Variants in SLC35E2B observed in about 807,000 individuals in gnomAD.
The protein encoded by SLC35E2B is solute carrier family 35, member E2B.
SLC35E2B carries 18 observed loss-of-function variants against 32.4 expected under a neutral mutation model. That is an observed-to-expected ratio of 0.56 (90% confidence interval 0.38 to 0.82). The LOEUF is 0.82. Among genes scored for constraint, SLC35E2B ranks in the 40% least tolerant of loss-of-function variants. The pLI, the probability that SLC35E2B is intolerant of heterozygous loss-of-function variation, is 0.00. For synonymous variants in SLC35E2B, 132 were observed against 209.1 expected (o/e 0.63, Z 3.18); for missense variants, 263 against 469.5 (o/e 0.56, Z 4.06).
chr1:1,667,441 A>C (rs1168839185), intron 9 of SLC35E2B, among the ~76,000 whole-genome samples: 2 of 152,038 alleles, frequency 1.3e-5, no homozygotes, highest in Non-Finnish European at 2.9e-5. Flanking sequence ...AATAAAATAC[A>C]TAAACAAATA....
intron 2 of SLC35E2B, among the ~76,000 whole-genome samples, chr1:1,677,616 G>A (rs1345975452): frequency 2.6e-5 from 4 of 151,416 alleles, no homozygotes; most frequent in South Asian, 4.2e-4. Flanking sequence ...TAGCTGGGAC[G>A]ACAGGCGTCC....
chr1:1,683,019 G>A (rs1480647047), intron 2 of SLC35E2B, among the ~76,000 whole-genome samples: 2 of 152,062 alleles, frequency 1.3e-5, no homozygotes, highest in East Asian at 1.9e-4. Context: ...GGAAATCGCA[G>A]TGAGCCGACA....
intron 9 of SLC35E2B, among the ~76,000 whole-genome samples, chr1:1,666,880 C>A (rs1044780439): frequency 1.3e-5 from 2 of 152,060 alleles, no homozygotes; most frequent in African/African-American, 4.8e-5. Flanking sequence ...CCGAGGCGGG[C>A]GGATCGCCTG....
intron 2 of SLC35E2B, among the ~76,000 whole-genome samples, chr1:1,690,304 A>AT (rs1164692973): frequency 3.5e-4 from 35 of 99,050 alleles, no homozygotes; most frequent in African/African-American, 1.2e-3. Flanking sequence ...AGAAACAAAA[A>AT]AAAATATATA....
chr1:1,670,236 G>T, intron 6 of SLC35E2B, 85 bp from the exon 7 acceptor site: 1 of 1,012,596 alleles, frequency 9.9e-7, no homozygotes, highest in Non-Finnish European at 1.5e-6. Context: ...CTCACACGGA[G>T]CGATGGCGAC....
chr1:1,683,909 A>G (rs7520934), intron 2 of SLC35E2B, among the ~76,000 whole-genome samples: 1 of 151,962 alleles, frequency 6.6e-6, no homozygotes, highest in Non-Finnish European at 1.5e-5. Flanking sequence ...GGTTGGAAAC[A>G]GGGTCTCAGA....
chr1:1,665,884 T>G lies in SLC35E2B; in HGVS notation c.1116A>C (p.Gln372His). The G allele has an allele frequency of 6.4e-7, 1 of 1,551,166 alleles. No homozygotes were observed. The highest frequency in any genetic ancestry group is 2.0e-5 in the Admixed American group (1 of 51,010). Residue 372 changes from glutamine (Q) to histidine (H), a missense_variant, in exon 10 of 10, where the codon CAA (glutamine) becomes CAC (histidine). Physicochemically the swap from Gln to His is conservative, Grantham distance 24. Coordinates refer to ENST00000617444, the MANE Select transcript of SLC35E2B (RefSeq NM_001290264.2). ...GGCTCTGCAGCGCCTCCTGCTGGTG[T>G]TGCCTGGCTTTGTTGTAGAGCAGGA... is the stretch of plus-strand genomic sequence containing the variant. ...VGVLLYNKAR[Q>H]HQQEALQSLA...
Position 1,680,953 on chromosome 1 carries a change from C to T in SLC35E2B, c.-147-4107G>A, listed in dbSNP as rs190404658. Reference sequence around the variant, plus strand: ...GAGTAACTGGGATTACAGGCGCCTGCCACCACGCCCAGCCGCTTCTTATTC... The same window carrying T: ...GAGTAACTGGGATTACAGGCGCCTGTCACCACGCCCAGCCGCTTCTTATTC... On this transcript the variant is annotated intron_variant, in intron 2 of 9. Coordinates refer to ENST00000617444, the MANE Select transcript of SLC35E2B (RefSeq NM_001290264.2). 6.6e-5 allele frequency among the ~76,000 whole-genome samples: 10 copies of T among 152,012 alleles called. No individual in the cohort carries two copies. In the East Asian group the frequency reaches 1.7e-3, roughly 26 times the overall value.
chr1:1,670,423 ATTTTT>A, intron 6 of SLC35E2B: 3 of 212,138 alleles, frequency 1.4e-5, no homozygotes, highest in East Asian at 1.2e-4. Flanking sequence ...CGCCCAACAG[ATTTTT>A]TTTTTTTTTT....
At chr1:1,670,182 T>G in intron 6 of SLC35E2B, 31 bp from the exon 7 acceptor site, 1 of 1,492,524 alleles carries the variant, frequency 6.7e-7, no homozygotes, top group Non-Finnish European at 9.1e-7. Context: ...TATGCATCAA[T>G]ACTAGTCCTC....
Position 1,663,342 on chromosome 1 carries a change from T to C in SLC35E2B, c.*2440A>G, listed in dbSNP as rs2101085819. The C allele has an allele frequency of 1.0e-6, 1 of 972,740 alleles. No homozygotes were observed. The highest frequency in any genetic ancestry group is 1.2e-6 in the Non-Finnish European group (1 of 819,140). The allele number at this position is 972,740 out of a possible 1,614,324, so 60.3% of individuals were successfully genotyped here. On this transcript the variant is annotated 3_prime_UTR_variant, in exon 10 of 10. Coordinates refer to ENST00000617444, the MANE Select transcript of SLC35E2B (RefSeq NM_001290264.2). ...AACCAGGCGCCTGCACCTCTCCTTA[T>C]GCCAGACCACAATCTTCAAAGAGGC... is the stretch of plus-strand genomic sequence containing the variant.
intron 2 of SLC35E2B, among the ~76,000 whole-genome samples, chr1:1,680,772 C>G (rs1291023426): frequency 2.0e-5 from 3 of 151,944 alleles, no homozygotes; most frequent in South Asian, 2.1e-4. Flanking sequence ...AAACACCTGT[C>G]CCTGCGTAAA....
Position 1,665,634 on chromosome 1 carries a change from T to G in SLC35E2B, c.*148A>C. ...TCCCCAGTTTGAGTTTCTGCTGGTCTTCACCGACAAACCGAGAAAGCCGCA... is the reference window on the plus strand; with the variant it reads ...TCCCCAGTTTGAGTTTCTGCTGGTCGTCACCGACAAACCGAGAAAGCCGCA... On this transcript the variant is annotated 3_prime_UTR_variant, in exon 10 of 10. Coordinates refer to ENST00000617444, the MANE Select transcript of SLC35E2B (RefSeq NM_001290264.2). 4 of 1,291,408 alleles carry G rather than the reference T, an allele frequency of 3.1e-6. No homozygotes were observed. The highest frequency in any genetic ancestry group is 3.0e-5 in the African/African-American group (2 of 66,818). 80.0% of individuals were successfully genotyped at this position (1,291,408 alleles called of 1,614,324 possible). A position where few individuals can be genotyped will look rare whatever the true frequency, so the allele number is the denominator to read the frequency against.
chr1:1,678,694 C>T (rs141243352), intron 2 of SLC35E2B, among the ~76,000 whole-genome samples: 2 of 152,248 alleles, frequency 1.3e-5, no homozygotes, highest in East Asian at 3.9e-4. Context: ...ACTGACAGTG[C>T]CAGATCTCCA....
At chr1:1,687,220 C>A (rs1643962134) in intron 2 of SLC35E2B, among the ~76,000 whole-genome samples, 1 of 152,174 alleles carries the variant, frequency 6.6e-6, no homozygotes, top group Non-Finnish European at 1.5e-5. Flanking sequence ...CACATCTGCC[C>A]AGAGACAGTC....
chr1:1,678,201 GT>G (rs1013822012), intron 2 of SLC35E2B, among the ~76,000 whole-genome samples: 3 of 152,070 alleles, frequency 2.0e-5, no homozygotes, highest in African/African-American at 7.2e-5. Flanking sequence ...CTCCTTCTGT[GT>G]TTATGTTTAT....
Position 1,675,506 on chromosome 1 carries a change from G to A in SLC35E2B, c.543C>T (p.Ile181=), listed in dbSNP as rs1377807783. ...FAETVKSSAP[I]FTVIMSRMIL... ...TCATCCGAGACATGATCACCGTGAAGATGGGGGCGGAGCTCTTCACCGTCT... is the reference window on the plus strand; with the variant it reads ...TCATCCGAGACATGATCACCGTGAAAATGGGGGCGGAGCTCTTCACCGTCT... Residue 181 remains isoleucine (I), a synonymous_variant, in exon 5 of 10, where the codon ATC becomes ATT. Transcript: ENST00000617444. The A allele has an allele frequency of 6.3e-7, 1 of 1,585,772 alleles. No homozygotes were observed. The highest frequency in any genetic ancestry group is 8.6e-7 in the Non-Finnish European group (1 of 1,165,058).
In SLC35E2B at chr1:1,665,627, G is replaced by T; in HGVS notation, c.*155C>A. On this transcript the variant is annotated 3_prime_UTR_variant, in exon 10 of 10. Transcript: ENST00000617444. ...CCTGGAATCCCCAGTTTGAGTTTCT[G>T]CTGGTCTTCACCGACAAACCGAGAA... is the stretch of plus-strand genomic sequence containing the variant. 1 of 1,209,930 alleles carries T rather than the reference G, an allele frequency of 8.3e-7. No individual in the cohort carries two copies. Among genetic ancestry groups the T allele is most frequent in the Non-Finnish European group, 1.1e-6 (1 of 892,428 alleles). The allele number at this position is 1,209,930 out of a possible 1,614,324, so 74.9% of individuals were successfully genotyped here. A position where few individuals can be genotyped will look rare whatever the true frequency, so the allele number is the denominator to read the frequency against.
intron 2 of SLC35E2B, among the ~76,000 whole-genome samples, chr1:1,677,864 G>C (rs1351090666): frequency 6.6e-6 from 1 of 151,570 alleles, no homozygotes; most frequent in East Asian, 2.0e-4. Context: ...ACGAGCTCCA[G>C]GAAGGTCAGA....
Sources: allele counts gnomAD v4.1 joint callset (sites outside exome capture counted in the v4.1 genomes callset), GRCh38; gene constraint gnomAD v4.1.1; transcripts MANE v1.5; gene names NCBI Gene and HGNC (gene_info 2026-07-23, HGNC 2026-07-21).